Variants in CADM1 observed in about 807,000 individuals in gnomAD.
CADM1 encodes cell adhesion molecule 1.
Under a neutral mutation model 53.1 loss-of-function variants are expected in CADM1, and 15 were observed. The ratio of observed to expected loss-of-function variants is 0.28; its 90% confidence interval spans 0.19 to 0.44. The LOEUF is 0.44. Ranked by LOEUF, CADM1 falls within the 20% of genes least tolerant of loss-of-function variation. CADM1 has a pLI of 1.00. For synonymous variants in CADM1, 281 were observed against 243.0 expected (o/e 1.16, Z -1.45); for missense variants, 434 against 611.3 (o/e 0.71, Z 3.06).
At chr11:115,257,387 GAC>G (rs1283226946) in intron 1 of CADM1, among the ~76,000 whole-genome samples, 1 of 152,190 alleles carries the variant, frequency 6.6e-6, no homozygotes, top group Non-Finnish European at 1.5e-5. Flanking sequence ...TGCAGAATCA[GAC>G]AGACTCCATT....
At chr11:115,312,119 A>T (rs1944547216) in intron 1 of CADM1, among the ~76,000 whole-genome samples, 1 of 152,192 alleles carries the variant, frequency 6.6e-6, no homozygotes, top group Non-Finnish European at 1.5e-5. Flanking sequence ...GTATTACAGA[A>T]CAATGTGACA....
intron 1 of CADM1, among the ~76,000 whole-genome samples, chr11:115,429,108 C>T (rs1351212740): frequency 6.6e-6 from 1 of 152,080 alleles, no homozygotes; most frequent in Non-Finnish European, 1.5e-5. Flanking sequence ...TTTTCACACA[C>T]TTCTAATAAT....
intron 8 of CADM1, among the ~76,000 whole-genome samples, chr11:115,201,174 G>A (rs2134691754): frequency 6.6e-6 from 1 of 152,266 alleles, no homozygotes; most frequent in Non-Finnish European, 1.5e-5. Context: ...TACTGCAGCT[G>A]GAAATGGCAA....
intron 1 of CADM1, among the ~76,000 whole-genome samples, chr11:115,385,730 G>A (rs1946685146): frequency 6.6e-6 from 1 of 151,470 alleles, no homozygotes; most frequent in African/African-American, 2.4e-5. Context: ...CCAAATATAA[G>A]TAGATAAAGC....
At chr11:115,475,767 G>A (rs543053204) in intron 1 of CADM1, among the ~76,000 whole-genome samples, 13 of 152,246 alleles carry the variant, frequency 8.5e-5, no homozygotes, top group Non-Finnish European at 1.9e-4. Flanking sequence ...GCTGCCAAAG[G>A]TTAGCAGTTG....
chr11:115,278,781 G>A (rs749008878), intron 1 of CADM1, among the ~76,000 whole-genome samples: 48 of 152,190 alleles, frequency 3.2e-4, no homozygotes, highest in Admixed American at 3.1e-3. Flanking sequence ...GCCTGAACCA[G>A]GGAGGGAGGA....
At chr11:115,210,371 A>C (rs1428160530) in intron 7 of CADM1, among the ~76,000 whole-genome samples, 1 of 152,244 alleles carries the variant, frequency 6.6e-6, no homozygotes, top group African/African-American at 2.4e-5. Flanking sequence ...AACGTTTTCC[A>C]TCTTGTAAAC....
intron 1 of CADM1, among the ~76,000 whole-genome samples, chr11:115,389,343 G>A (rs1424755129): frequency 1.3e-5 from 2 of 152,140 alleles, no homozygotes; most frequent in Non-Finnish European, 2.9e-5. Flanking sequence ...ACACAGCCTT[G>A]TGAATTTAAA....
chr11:115,235,941 G>A (rs750069075), intron 3 of CADM1, among the ~76,000 whole-genome samples: 26 of 152,274 alleles, frequency 1.7e-4, no homozygotes, highest in Admixed American at 6.5e-4. Context: ...TGGAAGGAAT[G>A]AATGAATATC....
At chr11:115,335,703 T>C (rs1173058046) in intron 1 of CADM1, among the ~76,000 whole-genome samples, 5 of 152,110 alleles carry the variant, frequency 3.3e-5, no homozygotes, top group Non-Finnish European at 7.4e-5. Flanking sequence ...CACTGGTCAT[T>C]TGGAAAATAT....
chr11:115,224,479 C>G (rs897879502), intron 5 of CADM1, among the ~76,000 whole-genome samples: 2 of 152,050 alleles, frequency 1.3e-5, no homozygotes, highest in Non-Finnish European at 2.9e-5. Flanking sequence ...TTTCATTCTT[C>G]TTTTCAAAAC....
chr11:115,191,272 TTAAA>T (rs1185624477), intron 9 of CADM1, among the ~76,000 whole-genome samples: 15 of 152,232 alleles, frequency 9.9e-5, no homozygotes, highest in African/African-American at 2.9e-4. Flanking sequence ...CTGATATCTC[TTAAA>T]TAAAAATGTA....
intron 1 of CADM1, among the ~76,000 whole-genome samples, chr11:115,442,591 C>T (rs1300767903): frequency 2.0e-5 from 3 of 152,156 alleles, no homozygotes; most frequent in South Asian, 2.1e-4. Flanking sequence ...TCGGCAATTA[C>T]GTGTGTTTAT....
chr11:115,423,686 G>A (rs1947818145), intron 1 of CADM1, among the ~76,000 whole-genome samples: 1 of 152,142 alleles, frequency 6.6e-6, no homozygotes, highest in African/African-American at 2.4e-5. Flanking sequence ...AAGTAGAGGG[G>A]AACTCTTGAA....
chr11:115,182,529 T>C (rs1173169397), intron 10 of CADM1, among the ~76,000 whole-genome samples: 1 of 152,214 alleles, frequency 6.6e-6, no homozygotes, highest in East Asian at 1.9e-4. Flanking sequence ...AAGAATCTCA[T>C]CCAAATTATT....
At chr11:115,288,092 G>A (rs1162901612) in intron 1 of CADM1, among the ~76,000 whole-genome samples, 1 of 152,140 alleles carries the variant, frequency 6.6e-6, no homozygotes, top group African/African-American at 2.4e-5. Flanking sequence ...AGCATGTGAA[G>A]GAGACAGCCA....
intron 6 of CADM1, among the ~76,000 whole-genome samples, chr11:115,216,244 A>G (rs1261276703): frequency 1.3e-5 from 2 of 152,264 alleles, no homozygotes. Context: ...GCTTGCTCAC[A>G]CAACCATATA....
intron 1 of CADM1, among the ~76,000 whole-genome samples, chr11:115,452,730 T>C (rs1244560380): frequency 6.6e-6 from 1 of 152,178 alleles, no homozygotes; most frequent in Non-Finnish European, 1.5e-5. Flanking sequence ...GAATAAAATA[T>C]AATCTCTAGG....
intron 1 of CADM1, among the ~76,000 whole-genome samples, chr11:115,348,617 G>C (rs1263053843): frequency 1.3e-5 from 2 of 152,138 alleles, no homozygotes; most frequent in African/African-American, 2.4e-5. Flanking sequence ...GCAAGAGACT[G>C]TGTAGAGGAG....
Sources: allele counts gnomAD v4.1 joint callset (sites outside exome capture counted in the v4.1 genomes callset), GRCh38; gene constraint gnomAD v4.1.1; transcripts MANE v1.5; gene names NCBI Gene and HGNC (gene_info 2026-07-23, HGNC 2026-07-21).